The following SVEP1 variants were observed in gnomAD, a reference collection of about 807,000 sequenced individuals.
SVEP1 encodes sushi, von Willebrand factor type A, EGF and pentraxin domain containing 1.
In SVEP1, 164 loss-of-function variants were observed where a neutral mutation model predicts 367.3. The observed-to-expected ratio is 0.45, with a 90% CI of 0.39 to 0.51. The LOEUF (loss-of-function observed/expected upper bound fraction) is 0.51. SVEP1 is among the 20% of genes least tolerant of loss of function. SVEP1 has a pLI of 0.00. For missense variants in SVEP1, 4,117 were observed against 4,425.3 expected (o/e 0.93, Z 1.98); for synonymous variants, 1,666 against 1,611.6 (o/e 1.03, Z -0.81).
chr9:110,503,136 C>T lies in SVEP1; in HGVS notation c.1385G>A (p.Cys462Tyr), dbSNP rs1037009274. The T allele has an allele frequency of 1.9e-6, 3 of 1,613,326 alleles. No individual in the cohort carries two copies. The Admixed American group carries it at 5.0e-5, about 27-fold the overall frequency. Residue 462 changes from cysteine to tyrosine, a missense_variant, in exon 6 of 48, where the codon TGT (cysteine) becomes TAT (tyrosine). This residue lies in a region of SVEP1 where 2,174 missense variants were observed against 2,494.3 expected (regional missense o/e 0.87). Transcript: ENST00000374469. ...STREMLYKTT[C>Y]LVACDEGYRL... ...GTACCCTTCATCACAGGCAACCAAA[C>T]ATGTTGTCTTATATAACATTTCCCT...
At chr9:110,491,590 G>GGTGTGT (rs55905097) in intron 8 of SVEP1, among the ~76,000 whole-genome samples, 14,003 of 147,716 alleles carry the variant, frequency 0.095, 1,166 homozygotes, top group East Asian at 0.37. Flanking sequence ...TATAGAATGG[G>GGTGTGT]GTGTGTGTGT....
intron 12 of SVEP1, among the ~76,000 whole-genome samples, chr9:110,480,605 T>C (rs917652671): frequency 5.9e-5 from 9 of 152,202 alleles, no homozygotes; most frequent in Admixed American, 2.6e-4. Context: ...TATTTTAAAG[T>C]AGCTCTTCTG....
At chr9:110,443,445 G>T in intron 27 of SVEP1, 100 bp downstream of exon 27, 2 of 1,107,008 alleles carry the variant, frequency 1.8e-6, no homozygotes, top group Non-Finnish European at 2.4e-6. Flanking sequence ...GTTAATCTTT[G>T]TTTGAAACCA....
intron 3 of SVEP1, among the ~76,000 whole-genome samples, chr9:110,528,154 G>GTGTGTGTGTGTA (rs1554721441): frequency 3.9e-5 from 1 of 25,704 alleles, no homozygotes; most frequent in Non-Finnish European, 1.1e-4. Flanking sequence ...GTGTGTGTGT[G>GTGTGTGTGTGTA]TGTATATATA....
intron 14 of SVEP1, among the ~76,000 whole-genome samples, chr9:110,474,651 G>A (rs1829072650): frequency 6.6e-6 from 1 of 152,146 alleles, no homozygotes; most frequent in Non-Finnish European, 1.5e-5. Flanking sequence ...CCTGGATCGT[G>A]TTTAACAGAA....
chr9:110,579,049 G>A lies in SVEP1; in HGVS notation c.495C>T (p.Gly165=), dbSNP rs1020153629. 1.0e-5 allele frequency: 16 copies of A among 1,549,524 alleles called. No individual in the cohort carries two copies. In the African/African-American group the frequency reaches 1.4e-4, roughly 13 times the overall value. The change falls in exon 1 of 48, where the codon GGC becomes GGT. Residue 165 remains glycine, a synonymous_variant. Transcript: ENST00000374469. This position sits in a 1 kb window ranked among gnomAD's most constrained non-coding sequence, Gnocchi z 5.3. ...QEIPAISYRG[G]GTYTKGAFQQ... Reference sequence around the variant, plus strand: ...GGAAGGCGCCCTTGGTGTAGGTGCCGCCACCTCGGTAGGAGATGGCAGGGA... The same window carrying A: ...GGAAGGCGCCCTTGGTGTAGGTGCCACCACCTCGGTAGGAGATGGCAGGGA...
chr9:110,510,657 C>A (rs147941402), intron 5 of SVEP1, among the ~76,000 whole-genome samples: 127 of 152,266 alleles, frequency 8.3e-4, no homozygotes, highest in African/African-American at 2.9e-3. Context: ...AGGGTGCAGG[C>A]TTGAGAGGCA....
At chr9:110,512,859 C>G in intron 5 of SVEP1, 67 bp downstream of exon 5, 2 of 1,569,826 alleles carry the variant, frequency 1.3e-6, no homozygotes, top group Non-Finnish European at 1.8e-6. Context: ...GACTGGTTTA[C>G]TAGAGTTTAA....
chr9:110,542,863 T>C (rs1830168615), intron 3 of SVEP1, among the ~76,000 whole-genome samples: 2 of 151,070 alleles, frequency 1.3e-5, no homozygotes, highest in African/African-American at 2.4e-5. Context: ...ATACTTAATG[T>C]GAATGACGAG....
intron 32 of SVEP1, among the ~76,000 whole-genome samples, chr9:110,430,923 G>T (rs1001783175): frequency 3.3e-5 from 5 of 152,106 alleles, no homozygotes; most frequent in Admixed American, 2.6e-4. Flanking sequence ...ATTCAGGGTC[G>T]GTCTCCACTG....
chr9:110,454,883 C>A (rs1450909398), intron 22 of SVEP1, among the ~76,000 whole-genome samples: 1 of 152,170 alleles, frequency 6.6e-6, no homozygotes, highest in Non-Finnish European at 1.5e-5. Flanking sequence ...ATGGAATTAT[C>A]TGTACTCCAA....
chr9:110,489,307 A>C (rs573556034), intron 9 of SVEP1, among the ~76,000 whole-genome samples: 13 of 152,210 alleles, frequency 8.5e-5, no homozygotes, highest in Non-Finnish European at 1.6e-4. Context: ...CATGCTGCTA[A>C]TAAAGACATA....
At chr9:110,479,264 AT>A (rs1829148312) in intron 13 of SVEP1, among the ~76,000 whole-genome samples, 1 of 152,098 alleles carries the variant, frequency 6.6e-6, no homozygotes, top group Non-Finnish European at 1.5e-5. Context: ...ACAAAAATGC[AT>A]CTTTTAAATC....
intron 3 of SVEP1, among the ~76,000 whole-genome samples, chr9:110,528,491 A>G (rs1407735792): frequency 6.6e-6 from 1 of 151,928 alleles, no homozygotes; most frequent in Non-Finnish European, 1.5e-5. Context: ...CTTTTTAATC[A>G]TGGCCATTCT....
At position 110,366,203 on chromosome 9, in the gene SVEP1, G is replaced by A. The variant is rs751537182; in HGVS notation, c.*336C>T. On this transcript the variant is annotated 3_prime_UTR_variant, in exon 48 of 48. Transcript: ENST00000374469. ...ATTTAGTAGCAAAATATACTTTAAT[G>A]GAAAAATCATTTTAAGTAACTGAAT... The A allele has an allele frequency of 2.2e-5, 5 of 224,698 alleles. No individual in the cohort carries two copies. Among genetic ancestry groups the A allele is most frequent in the Admixed American group, 5.6e-5 (1 of 17,736 alleles). The allele number at this position is 224,698 out of a possible 1,614,324, so 13.9% of individuals were successfully genotyped here.
intron 3 of SVEP1, among the ~76,000 whole-genome samples, chr9:110,537,339 G>A (rs1054942361): frequency 6.6e-6 from 1 of 151,982 alleles, no homozygotes; most frequent in African/African-American, 2.4e-5. Context: ...AATTAACAAT[G>A]CATCTTATTA....
At chr9:110,469,872 A>G (rs903888877) in intron 16 of SVEP1, among the ~76,000 whole-genome samples, 30 of 152,184 alleles carry the variant, frequency 2.0e-4, no homozygotes, top group African/African-American at 7.0e-4. Context: ...GTGATTCCTA[A>G]TTTTTACTCA....
At chr9:110,526,161 A>G (rs1413996019) in intron 3 of SVEP1, among the ~76,000 whole-genome samples, 1 of 152,182 alleles carries the variant, frequency 6.6e-6, no homozygotes, top group African/African-American at 2.4e-5. Flanking sequence ...AGCAGAATTC[A>G]TAGAAATAAA....
At chr9:110,399,405 G>C (rs1827821783) in intron 40 of SVEP1, among the ~76,000 whole-genome samples, 1 of 151,700 alleles carries the variant, frequency 6.6e-6, no homozygotes, top group Admixed American at 6.6e-5. Flanking sequence ...GAATTAATGG[G>C]TGCACCACAC....
Sources: gnomAD v4.1 joint callset for allele counts (sites outside exome capture counted in the v4.1 genomes callset) on GRCh38, gnomAD v4.1.1 for gene constraint, gnomAD v4.1.1 regional missense constraint, Gnocchi (gnomAD v3.1) non-coding constraint, MANE v1.5 for transcripts, NCBI Gene and HGNC (gene_info 2026-07-23, HGNC 2026-07-21) for gene names.